The following PLAAT3 variants were observed in gnomAD, a reference collection of about 807,000 sequenced individuals.
PLAAT3 encodes the protein Ca-independent phospholipase A1/2.
Under a neutral mutation model 16.7 loss-of-function variants are expected in PLAAT3, and 21 were observed. That is an observed-to-expected ratio of 1.26 (90% CI 0.89 to 1.81). The LOEUF is 1.81. PLAAT3 is among the 40% of genes most tolerant of loss of function. The pLI, the probability that PLAAT3 is intolerant of heterozygous loss-of-function variation, is 0.00. For synonymous variants in PLAAT3, 76 were observed against 81.7 expected (o/e 0.93, Z 0.38); for missense variants, 219 against 213.7 (o/e 1.02, Z -0.16).
At chr11:63,576,425 A>C (rs945474971) in intron 4 of PLAAT3, among the ~76,000 whole-genome samples, 1 of 152,190 alleles carries the variant, frequency 6.6e-6, no homozygotes, top group Non-Finnish European at 1.5e-5. Flanking sequence ...GGAGTTCCAG[A>C]CAAACCCAGC....
At chr11:63,588,981 A>AG in intron 4 of PLAAT3, among the ~76,000 whole-genome samples, 1 of 150,742 alleles carries the variant, frequency 6.6e-6, no homozygotes, top group African/African-American at 2.4e-5. Context: ...GCCAAGCAAA[A>AG]AAAAAAAAAA....
chr11:63,614,139 G>T, intron 1 of PLAAT3, 71 bp from the exon 2 acceptor site: 1 of 1,338,546 alleles, frequency 7.5e-7, no homozygotes, highest in Non-Finnish European at 1.1e-6. Context: ...CGGGACTGCG[G>T]CTTCTGTTGG....
At chr11:63,594,615 G>GA (rs1311385248) in intron 3 of PLAAT3, among the ~76,000 whole-genome samples, 7 of 151,708 alleles carry the variant, frequency 4.6e-5, no homozygotes, top group South Asian at 2.1e-4. Flanking sequence ...TCAAAAAAAA[G>GA]AAAAAAAGAA....
intron 3 of PLAAT3, 23 bp from the exon 4 acceptor site, chr11:63,590,391 CA>C: frequency 6.2e-7 from 1 of 1,611,234 alleles, no homozygotes; most frequent in African/African-American, 1.3e-5. Flanking sequence ...AAAGAGGAAA[CA>C]GAGGGATTGG....
intron 4 of PLAAT3, among the ~76,000 whole-genome samples, chr11:63,583,088 C>T (rs1937867258): frequency 6.6e-6 from 1 of 152,104 alleles, no homozygotes; most frequent in Non-Finnish European, 1.5e-5. Flanking sequence ...CGAGATCACA[C>T]CTCTGCACTC....
At chr11:63,577,811 T>A (rs368555634) in intron 4 of PLAAT3, among the ~76,000 whole-genome samples, 2 of 151,906 alleles carry the variant, frequency 1.3e-5, no homozygotes, top group Admixed American at 6.6e-5. Flanking sequence ...AATAAGAACG[T>A]GGTACTATAA....
At chr11:63,593,249 G>A (rs1382225708) in intron 3 of PLAAT3, among the ~76,000 whole-genome samples, 1 of 152,236 alleles carries the variant, frequency 6.6e-6, no homozygotes, top group East Asian at 1.9e-4. Context: ...CAGACACTAT[G>A]GAAAGACAGA....
At chr11:63,584,436 C>T (rs1937907288) in intron 4 of PLAAT3, among the ~76,000 whole-genome samples, 2 of 150,868 alleles carry the variant, frequency 1.3e-5, no homozygotes, top group South Asian at 4.2e-4. Context: ...ATGTAAAGCA[C>T]AAATTACGTT....
intron 4 of PLAAT3, among the ~76,000 whole-genome samples, chr11:63,585,013 G>T (rs954983947): frequency 6.6e-6 from 1 of 151,888 alleles, no homozygotes. Context: ...AGCAAGATGG[G>T]GCATGCATCG....
chr11:63,601,900 C>T (rs974490529), intron 2 of PLAAT3, among the ~76,000 whole-genome samples: 1 of 149,828 alleles, frequency 6.7e-6, no homozygotes, highest in Admixed American at 6.8e-5. Flanking sequence ...TTGCTTGAAC[C>T]CAGGAGGTGG....
chr11:63,593,777 G>C (rs1340965202), intron 3 of PLAAT3, among the ~76,000 whole-genome samples: 1 of 152,036 alleles, frequency 6.6e-6, no homozygotes, highest in Non-Finnish European at 1.5e-5. Flanking sequence ...ACGGGGTTTC[G>C]CCATGTTGGC....
intron 3 of PLAAT3, 104 bp downstream of exon 3, chr11:63,597,957 G>A: frequency 1.3e-6 from 1 of 761,494 alleles, no homozygotes; most frequent in Non-Finnish European, 2.3e-6. Flanking sequence ...ACTGCCAGTT[G>A]GGAAGCAAGA....
intron 2 of PLAAT3, among the ~76,000 whole-genome samples, chr11:63,604,044 C>T (rs916333209): frequency 1.2e-4 from 18 of 152,078 alleles, no homozygotes; most frequent in Non-Finnish European, 7.4e-5. Context: ...CCCAGCCACT[C>T]GAGAAGCTGA....
At chr11:63,613,648 T>G (rs2134438196) in intron 2 of PLAAT3, among the ~76,000 whole-genome samples, 1 of 146,204 alleles carries the variant, frequency 6.8e-6, no homozygotes, top group Admixed American at 7.1e-5. Context: ...ATGAGTCAGC[T>G]GACATAGCCC....
Position 63,602,583 on chromosome 11 carries a change from T to C in PLAAT3, c.16-4420A>G, listed in dbSNP as rs540422836. Among the ~76,000 whole-genome samples the C allele has an allele frequency of 3.3e-5, 5 of 151,798 alleles. No individual in the cohort carries two copies. In the East Asian group the frequency reaches 9.6e-4, roughly 29 times the overall value. ...CTGCCTGCAAGCTAAGAATGGTTTG[T>C]ACTTTTTTTTTTTTAATGCTTGGGG... On this transcript the variant is annotated intron_variant, in intron 2 of 4. Coordinates refer to ENST00000415826, the MANE Select transcript of PLAAT3 (RefSeq NM_001128203.2).
At chr11:63,598,874 G>A (rs1938356558) in intron 2 of PLAAT3, among the ~76,000 whole-genome samples, 1 of 152,234 alleles carries the variant, frequency 6.6e-6, no homozygotes, top group African/African-American at 2.4e-5. Flanking sequence ...ATGTGTGTGA[G>A]GGTGGATGCA....
At chr11:63,588,063 C>T (rs987801552) in intron 4 of PLAAT3, among the ~76,000 whole-genome samples, 1 of 151,808 alleles carries the variant, frequency 6.6e-6, no homozygotes, top group African/African-American at 2.4e-5. Context: ...AAATAAAAAA[C>T]AATAAAATAA....
At chr11:63,577,168 T>A (rs1937639288) in intron 4 of PLAAT3, among the ~76,000 whole-genome samples, 1 of 136,624 alleles carries the variant, frequency 7.3e-6, no homozygotes, top group Admixed American at 7.2e-5. Context: ...GCAAGTGCAC[T>A]TTTTTTTTTT....
At chr11:63,607,974 C>G (rs1296540178) in intron 2 of PLAAT3, among the ~76,000 whole-genome samples, 1 of 152,002 alleles carries the variant, frequency 6.6e-6, no homozygotes, top group Admixed American at 6.6e-5. Context: ...ATCACGAGGT[C>G]AGGAGATCGA....
Sources: gnomAD v4.1 joint callset for allele counts (sites outside exome capture counted in the v4.1 genomes callset) on GRCh38, gnomAD v4.1.1 for gene constraint, MANE v1.5 for transcripts, NCBI Gene and HGNC (gene_info 2026-07-23, HGNC 2026-07-21) for gene names.